The following JMJD1C variants were observed in gnomAD, a reference collection of about 807,000 sequenced individuals.
JMJD1C encodes jumonji domain containing 1C, also known as jumonji domain-containing protein 1C.
A neutral mutation model predicts 245.3 loss-of-function variants in JMJD1C; 31 were observed. The observed-to-expected ratio is 0.13, with a 90% CI of 0.09 to 0.17. The LOEUF (loss-of-function observed/expected upper bound fraction) is 0.17. Among genes scored for constraint, JMJD1C ranks in the 10% least tolerant of loss-of-function variants. The pLI is 1.00. For synonymous variants in JMJD1C, 1,057 were observed against 1,017.4 expected (o/e 1.04, Z -0.74); for missense variants, 2,691 against 3,000.2 (o/e 0.90, Z 2.41).
chr10:63,398,338 A>AT (rs2132559841), intron 1 of JMJD1C, among the ~76,000 whole-genome samples: 1 of 152,202 alleles, frequency 6.6e-6, no homozygotes, highest in Non-Finnish European at 1.5e-5. Context: ...AAATAAAGTC[A>AT]TTTCTCCCAT....
At chr10:63,273,696 A>G (rs1479498824) in intron 2 of JMJD1C, among the ~76,000 whole-genome samples, 1 of 152,154 alleles carries the variant, frequency 6.6e-6, no homozygotes, top group Non-Finnish European at 1.5e-5. Context: ...TTGGCTGCTA[A>G]ACCAGGCTAG....
Position 63,186,405 on chromosome 10 carries a change from A to G in JMJD1C, c.6571-22T>C, listed in dbSNP as rs759687905. ...CAGGCTTATAAATAGATAAATAAAT[A>G]ACAGTTAAAAGATATATAGACTTTC... On this transcript the variant is annotated intron_variant, in intron 18 of 25. Coordinates refer to ENST00000399262, the MANE Select transcript of JMJD1C (RefSeq NM_032776.3). The G allele has an allele frequency of 3.2e-6, 5 of 1,550,596 alleles. No individual in the cohort carries two copies. The East Asian group carries it at 6.8e-5, about 21-fold the overall frequency.
intron 2 of JMJD1C, among the ~76,000 whole-genome samples, chr10:63,321,796 A>G (rs1257182545): frequency 6.6e-6 from 1 of 152,196 alleles, no homozygotes; most frequent in Admixed American, 6.5e-5. Flanking sequence ...AAGAGCTTCA[A>G]TAGTTCCTTT....
intron 10 of JMJD1C, chr10:63,204,602 A>C: frequency 1.0e-6 from 1 of 985,406 alleles, no homozygotes; most frequent in Non-Finnish European, 1.2e-6. Flanking sequence ...GCCTATTATG[A>C]ATTCATGGGG....
At chr10:63,229,464 C>T (rs1215435875) in intron 3 of JMJD1C, among the ~76,000 whole-genome samples, 2 of 151,754 alleles carry the variant, frequency 1.3e-5, no homozygotes, top group African/African-American at 4.8e-5. Flanking sequence ...AGAAATAGGA[C>T]AACAATTTAT....
At chr10:63,337,756 TGA>T (rs1942984356) in intron 2 of JMJD1C, among the ~76,000 whole-genome samples, 1 of 152,100 alleles carries the variant, frequency 6.6e-6, no homozygotes, top group Non-Finnish European at 1.5e-5. Context: ...AAGAGCAAGC[TGA>T]TGAGCCAGAA....
At chr10:63,299,356 C>CTT (rs761917728) in intron 2 of JMJD1C, among the ~76,000 whole-genome samples, 1 of 89,596 alleles carries the variant, frequency 1.1e-5, no homozygotes, top group Non-Finnish European at 2.3e-5. Context: ...CTAATTTTTC[C>CTT]ATTTTTTTTT....
rs1564546557 is a variant in JMJD1C at position 63,172,809 on chromosome 10, C to CA, written c.7401+3487dup. The stretch of plus-strand genomic sequence containing the variant: ...TCCAAGCAAAAAAGATTAAGAAGCA[C>CA]AAAAACCCTGGGGGAGGGGGGAAAC... On this transcript the variant is annotated intron_variant, in intron 24 of 25. Transcript: ENST00000399262. Among the ~76,000 whole-genome samples, 5 of 149,578 alleles carry CA rather than the reference C, an allele frequency of 3.3e-5. No homozygotes were observed. The South Asian group carries it at 1.1e-3, about 32-fold the overall frequency.
At chr10:63,223,281 T>C (rs1346808736) in intron 3 of JMJD1C, among the ~76,000 whole-genome samples, 1 of 149,956 alleles carries the variant, frequency 6.7e-6, no homozygotes, top group African/African-American at 2.5e-5. Flanking sequence ...GCCCGTAGTG[T>C]ACTGGGCACG....
intron 2 of JMJD1C, among the ~76,000 whole-genome samples, chr10:63,277,238 G>C (rs1228276683): frequency 6.6e-6 from 1 of 150,814 alleles, no homozygotes; most frequent in African/African-American, 2.4e-5. Flanking sequence ...GGTTGGCCTC[G>C]AATGTGTAGC....
upstream of JMJD1C, chr10:63,466,313 TG>T (rs1953280028): frequency 6.5e-6 from 1 of 153,168 alleles, no homozygotes; most frequent in Non-Finnish European, 1.5e-5. Context: ...AATAAACTCC[TG>T]GGTTGACGCC....
intron 1 of JMJD1C, among the ~76,000 whole-genome samples, chr10:63,420,867 CAAACAAAATCAACAAA>C (rs1950087419): frequency 8.6e-6 from 1 of 115,678 alleles, no homozygotes; most frequent in African/African-American, 6.9e-5. Flanking sequence ...AAGTACAAAA[CAAACAAAATCAACAAA>C]GTACAAAACA....
intron 2 of JMJD1C, among the ~76,000 whole-genome samples, chr10:63,364,922 G>T (rs543080486): frequency 2.6e-5 from 4 of 152,286 alleles, no homozygotes; most frequent in South Asian, 2.1e-4. Context: ...CAAAATTGAT[G>T]ATTTAATCCA....
intron 2 of JMJD1C, among the ~76,000 whole-genome samples, chr10:63,352,508 T>C (rs1386689801): frequency 6.6e-6 from 1 of 151,674 alleles, no homozygotes. Flanking sequence ...CGTGATGACA[T>C]GCATCTATAA....
At position 63,207,826 on chromosome 10, in the gene JMJD1C, GTTA is replaced by G. The variant is rs1846826416; in HGVS notation, c.3840_3842del (p.Asn1281del). On this transcript the variant is annotated inframe_deletion, in exon 10 of 26. Coordinates refer to ENST00000399262, the MANE Select transcript of JMJD1C (RefSeq NM_032776.3). ...GCCATTCAGTTTTCTCTTTGCTGAG[GTTA>G]TTATTAGGTCTCCACATCTCCGTCA... The G allele has an allele frequency of 6.2e-7, 1 of 1,614,008 alleles. No individual in the cohort carries two copies. The highest frequency in any genetic ancestry group is 1.3e-5 in the African/African-American group (1 of 74,904).
At chr10:63,265,006 A>T (rs980186759) in intron 2 of JMJD1C, among the ~76,000 whole-genome samples, 3 of 152,210 alleles carry the variant, frequency 2.0e-5, no homozygotes, top group Admixed American at 6.5e-5. Context: ...CTAAGTCCCA[A>T]CTGTTTACTT....
intron 3 of JMJD1C, among the ~76,000 whole-genome samples, chr10:63,223,229 GTT>G (rs35485931): frequency 0.13 from 16,671 of 128,210 alleles, 1,005 homozygotes; most frequent in South Asian, 0.26. Context: ...TTTCTGTGCT[GTT>G]TTTTTTTTTT....
intron 3 of JMJD1C, among the ~76,000 whole-genome samples, chr10:63,241,498 T>C (rs922702060): frequency 2.0e-5 from 3 of 152,204 alleles, no homozygotes; most frequent in Non-Finnish European, 4.4e-5. Context: ...CTGCTCAAAA[T>C]GCTTCAAAGG....
chr10:63,332,285 C>T (rs999107329), intron 2 of JMJD1C, among the ~76,000 whole-genome samples: 2 of 152,164 alleles, frequency 1.3e-5, no homozygotes, highest in Non-Finnish European at 2.9e-5. Flanking sequence ...ATATGTGTCA[C>T]TAAATTTGAT....
Sources: allele counts gnomAD v4.1 joint callset (sites outside exome capture counted in the v4.1 genomes callset), GRCh38; gene constraint gnomAD v4.1.1; transcripts MANE v1.5; gene names NCBI Gene and HGNC (gene_info 2026-07-23, HGNC 2026-07-21).